Variants in PHF3 observed in about 807,000 individuals in gnomAD.
PHF3 encodes PHD finger protein 3.
A neutral mutation model predicts 178.4 loss-of-function variants in PHF3; 41 were observed. The ratio of observed to expected loss-of-function variants is 0.23; its 90% CI spans 0.18 to 0.30. The LOEUF (loss-of-function observed/expected upper bound fraction) is 0.30. PHF3 is among the 10% of genes least tolerant of loss of function. The probability of loss-of-function intolerance (pLI) is 1.00; values close to 1 mark genes in which losing one functional copy is unlikely to be tolerated. For missense variants in PHF3, 2,346 were observed against 2,398.1 expected, an observed-to-expected ratio of 0.98 and a Z score of 0.45; for synonymous variants, 842 against 800.5, an observed-to-expected ratio of 1.05 and a Z score of -0.88.
In PHF3 at chr6:63,646,783, C is replaced by T. The variant is rs201393499; in HGVS notation, c.232C>T (p.Pro78Ser). The T allele has an allele frequency of 2.7e-6, 4 of 1,483,728 alleles. No individual in the cohort carries two copies. Among genetic ancestry groups the T allele is most frequent in the African/African-American group, 1.5e-5 (1 of 67,734 alleles). 91.9% of individuals were successfully genotyped at this position (1,483,728 alleles called of 1,614,324 possible). A position where few individuals can be genotyped will look rare whatever the true frequency, so the allele number is the denominator to read the frequency against. The change falls in exon 2 of 16, where the codon CCT (proline) becomes TCT (serine). Residue 78 changes from proline (P) to serine (S), a missense_variant. Physicochemically the swap from Pro to Ser is moderately conservative, Grantham distance 74. Coordinates refer to ENST00000262043, the MANE Select transcript of PHF3 (RefSeq NM_001370348.2). ...LDSNDPNFQM[P>S]CSTVVGLDDI... ...TAGCAATGATCCCAATTTCCAGATG[C>T]CTTGTTCAACAGGTAATTCTTACTT...
intron 1 of PHF3, among the ~76,000 whole-genome samples, chr6:63,646,180 A>C (rs765513491): frequency 7.2e-5 from 11 of 152,284 alleles, no homozygotes; most frequent in Non-Finnish European, 5.9e-5. Context: ...TGTGGTTAAA[A>C]ACAATAGTTT....
At position 63,721,550 on chromosome 6, in the gene PHF3, A is replaced by C. The variant is rs1475319970; in HGVS notation, c.*7842A>C. The C allele has an allele frequency of 3.9e-6, 6 of 1,551,832 alleles. No homozygotes were observed. The highest frequency in any genetic ancestry group is 5.2e-6 in the Non-Finnish European group (6 of 1,146,894). On this transcript the variant is annotated 3_prime_UTR_variant, in exon 16 of 16. Coordinates refer to ENST00000262043, the MANE Select transcript of PHF3 (RefSeq NM_001370348.2). ...CCATGGGATTTACAAGATTTAAAGAAGATACTCCTCCAATATAGAAGTCTG... is the reference window on the plus strand; with the variant it reads ...CCATGGGATTTACAAGATTTAAAGACGATACTCCTCCAATATAGAAGTCTG...
chr6:63,716,377 G>T lies in PHF3; in HGVS notation c.*2669G>T, dbSNP rs1445837230. Among the ~76,000 whole-genome samples the T allele has an allele frequency of 1.3e-5, 2 of 152,108 alleles. No homozygotes were observed. The highest frequency in any genetic ancestry group is 4.8e-5 in the African/African-American group (2 of 41,426). On this transcript the variant is annotated 3_prime_UTR_variant, in exon 16 of 16. Coordinates refer to ENST00000262043, the MANE Select transcript of PHF3 (RefSeq NM_001370348.2). Reference sequence around the variant, plus strand: ...TAGCCCTCTTTCTTTGCGTTCCACTGAACTGTCTGAAACCCTTCACTGAGC... The same window carrying T: ...TAGCCCTCTTTCTTTGCGTTCCACTTAACTGTCTGAAACCCTTCACTGAGC...
Position 63,721,935 on chromosome 6 carries a change from T to C in PHF3, c.*8227T>C. ...GATCTTGAGCACAATTGTGTTAGTTTTGTTTCCACTCACAGAGCAAAATGC... is the reference window on the plus strand; with the variant it reads ...GATCTTGAGCACAATTGTGTTAGTTCTGTTTCCACTCACAGAGCAAAATGC... On this transcript the variant is annotated 3_prime_UTR_variant, in exon 16 of 16. Coordinates refer to ENST00000262043, the MANE Select transcript of PHF3 (RefSeq NM_001370348.2). The C allele has an allele frequency of 1.3e-6, 1 of 758,514 alleles. No homozygotes were observed. Among genetic ancestry groups the C allele is most frequent in the Non-Finnish European group, 2.1e-6 (1 of 479,498 alleles). 47.0% of individuals were successfully genotyped at this position (758,514 alleles called of 1,614,324 possible). A position where few individuals can be genotyped will look rare whatever the true frequency, so the allele number is the denominator to read the frequency against.
chr6:63,675,371 G>T (rs1011163399), intron 2 of PHF3, among the ~76,000 whole-genome samples: 5 of 152,138 alleles, frequency 3.3e-5, no homozygotes, highest in African/African-American at 1.2e-4. Flanking sequence ...ACTACTTCTA[G>T]ATCAGTTATT....
intron 14 of PHF3, 120 bp downstream of exon 14, chr6:63,709,360 C>T: frequency 1.4e-6 from 1 of 712,320 alleles, no homozygotes. Context: ...CATTTTAAGT[C>T]TATGTAATAT....
intron 1 of PHF3, among the ~76,000 whole-genome samples, chr6:63,641,542 G>A (rs1217589249): frequency 6.6e-6 from 1 of 150,904 alleles, no homozygotes; most frequent in Non-Finnish European, 1.5e-5. Context: ...GTGTGTGTGT[G>A]TGTGTGTGTG....
intron 8 of PHF3, 131 bp downstream of exon 8, chr6:63,698,736 G>A: frequency 3.3e-6 from 2 of 599,060 alleles, no homozygotes; most frequent in Non-Finnish European, 5.5e-6. Context: ...TGTAGAACAT[G>A]TAATTTTAAT....
rs1224719742 is a variant in PHF3, at chr6:63,721,447, C to T, written c.*7739C>T. 6.4e-7 allele frequency: 1 copy of T among 1,551,656 alleles called. No individual in the cohort carries two copies. The highest frequency in any genetic ancestry group is 2.4e-5 in the East Asian group (1 of 40,916). ...TTTGAGCCACCTTTTGCTCCAAATT[C>T]AGTTAATTGTAATTCTTGATTATTT... On this transcript the variant is annotated 3_prime_UTR_variant, in exon 16 of 16. Coordinates refer to ENST00000262043, the MANE Select transcript of PHF3 (RefSeq NM_001370348.2).
intron 2 of PHF3, among the ~76,000 whole-genome samples, chr6:63,677,428 A>G (rs1014388231): frequency 2.0e-5 from 3 of 152,154 alleles, no homozygotes; most frequent in African/African-American, 7.2e-5. Flanking sequence ...GTGAAGTGAA[A>G]AAAAAGGAGA....
intron 1 of PHF3, among the ~76,000 whole-genome samples, chr6:63,641,425 A>G (rs982696386): frequency 6.6e-6 from 1 of 151,908 alleles, no homozygotes; most frequent in African/African-American, 2.4e-5. Flanking sequence ...CCCCCTACAC[A>G]CACACCCACA....
chr6:63,664,774 G>T (rs1399788933), intron 2 of PHF3, among the ~76,000 whole-genome samples: 3 of 151,706 alleles, frequency 2.0e-5, no homozygotes, highest in Non-Finnish European at 4.4e-5. Flanking sequence ...CTTGATACTG[G>T]GTTTTAATGG....
chr6:63,646,806 CTT>C lies in PHF3; in HGVS notation c.244+32_244+33del, dbSNP rs11285703. On this transcript the variant is annotated intron_variant, in intron 2 of 15. Transcript: ENST00000262043. ...TGCCTTGTTCAACAGGTAATTCTTA[CTT>C]TTTTTTTTTTTTTTTTTTTTAGTCT... 137,832 of 979,352 alleles carry C rather than the reference CTT, an allele frequency of 0.14. 85 individuals are homozygous for C. Among genetic ancestry groups the C allele is most frequent in the Middle Eastern group, 0.16 (408 of 2,476 alleles). 60.7% of individuals were successfully genotyped at this position (979,352 alleles called of 1,614,324 possible).
Position 63,719,663 on chromosome 6 carries a change from A to G in PHF3, c.*5955A>G, listed in dbSNP as rs1450831495. On this transcript the variant is annotated 3_prime_UTR_variant, in exon 16 of 16. Transcript: ENST00000262043. ...CTATCAACAGTACTAAATTGTTAGG[A>G]TAGTAATTTTCCATGGCATTGTTTA... Among the ~76,000 whole-genome samples the G allele has an allele frequency of 6.6e-6, 1 of 152,094 alleles. No individual in the cohort carries two copies.
At chr6:63,660,542 ATCTCT>A (rs933529951) in intron 2 of PHF3, among the ~76,000 whole-genome samples, 32 of 151,966 alleles carry the variant, frequency 2.1e-4, no homozygotes, top group Admixed American at 2.1e-3. Context: ...AAACTTGATG[ATCTCT>A]TCTTAATGGA....
At position 63,721,999 on chromosome 6, in the gene PHF3, T is replaced by C. The variant is rs1768416783; in HGVS notation, c.*8291T>C. Among the ~76,000 whole-genome samples the C allele has an allele frequency of 6.6e-6, 1 of 152,168 alleles. No homozygotes were observed. The highest frequency in any genetic ancestry group is 2.1e-4 in the South Asian group (1 of 4,828). On this transcript the variant is annotated 3_prime_UTR_variant, in exon 16 of 16. Transcript: ENST00000262043. ...TCTTTCATTTTGTTCAGCAATTGGC[T>C]ACATAAATTTTCTCTAGTTGTGGAC...
chr6:63,692,092 A>G (rs1471314426), intron 5 of PHF3, 49 bp downstream of exon 5: 9 of 1,278,942 alleles, frequency 7.0e-6, no homozygotes, highest in South Asian at 6.0e-5. Flanking sequence ...AGCTTTTTGT[A>G]TGGACTGACT....
chr6:63,683,264 T>C (rs1427122615), intron 3 of PHF3, among the ~76,000 whole-genome samples: 2 of 152,016 alleles, frequency 1.3e-5, no homozygotes. Context: ...ATTCTCACAG[T>C]TCAGTGATAA....
intron 1 of PHF3, among the ~76,000 whole-genome samples, chr6:63,639,208 T>C (rs74422943): frequency 0.012 from 1,781 of 152,278 alleles, 28 homozygotes; most frequent in African/African-American, 0.041. Context: ...TTTTAAGATA[T>C]TTCCAGAAGT....
Sources: gnomAD v4.1 joint callset for allele counts (sites outside exome capture counted in the v4.1 genomes callset) on GRCh38, gnomAD v4.1.1 for gene constraint, MANE v1.5 for transcripts, NCBI Gene and HGNC (gene_info 2026-07-23, HGNC 2026-07-21) for gene names.